The following GOLGA6C variants were observed in gnomAD, a reference collection of about 807,000 sequenced individuals.
GOLGA6C encodes the protein golgin subfamily A member 6C.
In GOLGA6C, 3 loss-of-function variants were observed where a neutral mutation model predicts 57.5. That is an observed-to-expected ratio of 0.05 (90% confidence interval 0.02 to 0.13). The LOEUF is 0.13. Among genes scored for constraint, GOLGA6C ranks in the 10% least tolerant of loss-of-function variants. The pLI, the probability that GOLGA6C is intolerant of heterozygous loss-of-function variation, is 1.00. For synonymous variants in GOLGA6C, 32 were observed against 203.8 expected (o/e 0.16, Z 7.18); for missense variants, 88 against 525.6 (o/e 0.17, Z 8.14).
rs1338432904 is a variant in GOLGA6C, at chr15:75,272,739, C to T, written c.*2540C>T. On this transcript the variant is annotated 3_prime_UTR_variant, in exon 18 of 18. Coordinates refer to ENST00000300576, the MANE Select transcript of GOLGA6C (RefSeq NM_001164404.2). ...CATATATTTAAGAAAAATTAAATAG[C>T]ATGTAAATCATATAACAATAACTTA... Among the ~76,000 whole-genome samples the T allele has an allele frequency of 6.6e-6, 1 of 151,016 alleles. No homozygotes were observed. Among genetic ancestry groups the T allele is most frequent in the East Asian group, 1.9e-4 (1 of 5,200 alleles).
chr15:75,265,017 C>T (rs2070751311), intron 7 of GOLGA6C, 105 bp from the exon 8 acceptor site: 8 of 1,345,220 alleles, frequency 5.9e-6, no homozygotes, highest in Non-Finnish European at 8.3e-6. Flanking sequence ...CTTGGAAATG[C>T]CTTGACCTTT....
At chr15:75,258,866 C>T (rs1190776950) in intron 1 of GOLGA6C, among the ~76,000 whole-genome samples, 184 bp downstream of exon 1, 2 of 151,386 alleles carry the variant, frequency 1.3e-5, no homozygotes, top group South Asian at 2.1e-4. Context: ...GCAAGCAGCC[C>T]AGCCTCTGCC....
At chr15:75,259,387 G>A (rs2070724943) in intron 1 of GOLGA6C, among the ~76,000 whole-genome samples, 1 of 117,132 alleles carries the variant, frequency 8.5e-6, no homozygotes, top group Non-Finnish European at 1.6e-5. Flanking sequence ...TTTCCAGCTA[G>A]AAGGGAAATG....
At position 75,273,291 on chromosome 15, in the gene GOLGA6C, G is replaced by A. The variant is rs1255703718; in HGVS notation, c.*3092G>A. Among the ~76,000 whole-genome samples, 4 of 151,694 alleles carry A rather than the reference G, an allele frequency of 2.6e-5. No homozygotes were observed. Among genetic ancestry groups the A allele is most frequent in the Non-Finnish European group, 4.4e-5 (3 of 67,960 alleles). ...GAAAGAAATGCCAATTCCAATGCAA[G>A]GCTTTATTTGCCAAGTTTTCTTAGA... On this transcript the variant is annotated 3_prime_UTR_variant, in exon 18 of 18. Coordinates refer to ENST00000300576, the MANE Select transcript of GOLGA6C (RefSeq NM_001164404.2).
intron 17 of GOLGA6C, 32 bp from the exon 18 acceptor site, chr15:75,270,038 CTG>C: frequency 6.2e-7 from 1 of 1,601,302 alleles, no homozygotes; most frequent in Non-Finnish European, 8.5e-7. Flanking sequence ...GAGGCTCGCA[CTG>C]TGCTCAGACC....
chr15:75,270,403 T>C lies in GOLGA6C; in HGVS notation c.*204T>C, dbSNP rs966176529. Among the ~76,000 whole-genome samples, 2 of 139,022 alleles carry C rather than the reference T, an allele frequency of 1.4e-5. No homozygotes were observed. Among genetic ancestry groups the C allele is most frequent in the Non-Finnish European group, 3.0e-5 (2 of 65,806 alleles). The allele number at this position is 139,022 out of a possible 152,430, so 91.2% of individuals were successfully genotyped here. Reference sequence around the variant, plus strand: ...ACTCACATTTATTTGTGTTTCTAATTTACCGTTTAAATTTATTTGTAAAAA... The same window carrying C: ...ACTCACATTTATTTGTGTTTCTAATCTACCGTTTAAATTTATTTGTAAAAA... On this transcript the variant is annotated 3_prime_UTR_variant, in exon 18 of 18. Coordinates refer to ENST00000300576, the MANE Select transcript of GOLGA6C (RefSeq NM_001164404.2).
intron 7 of GOLGA6C, 66 bp from the exon 8 acceptor site, chr15:75,265,056 C>A: frequency 6.3e-7 from 1 of 1,590,084 alleles, no homozygotes; most frequent in Non-Finnish European, 8.6e-7. Context: ...TGAGCCTAGC[C>A]CTAGCCCTTT....
rs1219075669 is a variant in GOLGA6C at position 75,258,678 on chromosome 15, A to C, written c.80A>C (p.Lys27Thr). 1 of 520,568 alleles carries C rather than the reference A, an allele frequency of 1.9e-6. No individual in the cohort carries two copies. The highest frequency in any genetic ancestry group is 3.5e-6 in the Non-Finnish European group (1 of 286,624). 32.2% of individuals were successfully genotyped at this position (520,568 alleles called of 1,614,324 possible). A position where few individuals can be genotyped will look rare whatever the true frequency, so the allele number is the denominator to read the frequency against. Reference sequence around the variant, plus strand: ...CAGAATAAATTGGCAGCAGCCAAGAAAAAGGTAAAAAGCCAAGAAAAAGGT... The same window carrying C: ...CAGAATAAATTGGCAGCAGCCAAGACAAAGGTAAAAAGCCAAGAAAAAGGT... ...SRQNKLAAAKKKLKEYQQRKS... is the reference protein window; with the variant it reads ...SRQNKLAAAKTKLKEYQQRKS... Residue 27 changes from lysine (K) to threonine (T), a missense_variant, in exon 1 of 18, where the codon AAA (lysine) becomes ACA (threonine). Coordinates refer to ENST00000300576, the MANE Select transcript of GOLGA6C (RefSeq NM_001164404.2).
In GOLGA6C at chr15:75,272,846, C is replaced by CTTCTA. The variant is rs1259459699; in HGVS notation, c.*2647_*2648insTTCTA. ...GTTCTCTTCCTCATTCAGTTTAAGG[C>CTTCTA]AGCTTTCAATTTGCTTAGAAGGCAA... is the stretch of plus-strand genomic sequence containing the variant. On this transcript the variant is annotated 3_prime_UTR_variant, in exon 18 of 18. Transcript: ENST00000300576. Among the ~76,000 whole-genome samples the CTTCTA allele has an allele frequency of 1.3e-5, 2 of 151,978 alleles. No individual in the cohort carries two copies. The highest frequency in any genetic ancestry group is 2.9e-5 in the Non-Finnish European group (2 of 68,052).
At chr15:75,269,587 A>AGCT (rs1348502045) in intron 15 of GOLGA6C, 32 bp downstream of exon 15, 1 of 1,391,340 alleles carries the variant, frequency 7.2e-7, no homozygotes, top group African/African-American at 1.6e-5. Context: ...GGGCACGGGG[A>AGCT]GCTGCAGGGC....
At chr15:75,264,965 C>T (rs1380806154) in intron 7 of GOLGA6C, among the ~76,000 whole-genome samples, 157 bp from the exon 8 acceptor site, 6 of 150,666 alleles carry the variant, frequency 4.0e-5, no homozygotes, top group South Asian at 2.1e-4. Flanking sequence ...TTTCCCTCTC[C>T]CTTCCAACTT....
At position 75,273,225 on chromosome 15, in the gene GOLGA6C, C is replaced by T. The variant is rs1170355467; in HGVS notation, c.*3026C>T. On this transcript the variant is annotated 3_prime_UTR_variant, in exon 18 of 18. Transcript: ENST00000300576. ...GTTAAAACACTTTAAAATATGAATA[C>T]TGTAGTTTGAAAGAAAGAAACTGGG... is the stretch of plus-strand genomic sequence containing the variant. Among the ~76,000 whole-genome samples the T allele has an allele frequency of 6.6e-6, 1 of 152,124 alleles. No homozygotes were observed.
intron 1 of GOLGA6C, among the ~76,000 whole-genome samples, chr15:75,259,190 C>A (rs1444531209): frequency 6.6e-6 from 1 of 151,806 alleles, no homozygotes; most frequent in Non-Finnish European, 1.5e-5. Context: ...CCCCCTCCCC[C>A]ATCGTGGATC....
At chr15:75,260,052 G>A (rs1330696325) in intron 1 of GOLGA6C, among the ~76,000 whole-genome samples, 203 of 92,662 alleles carry the variant, frequency 2.2e-3, no homozygotes, top group Middle Eastern at 8.0e-3. Context: ...ACCACACAGC[G>A]TGTAGTTCAT....
rs2141637146 is a variant in GOLGA6C, at chr15:75,272,638, A to G, written c.*2439A>G. On this transcript the variant is annotated 3_prime_UTR_variant, in exon 18 of 18. Transcript: ENST00000300576. ...TGTGGATTAAATCACACACCGGCATATTTAAGCTGAATGTCAGTCTGGAAA... is the reference window on the plus strand; with the variant it reads ...TGTGGATTAAATCACACACCGGCATGTTTAAGCTGAATGTCAGTCTGGAAA... Among the ~76,000 whole-genome samples the G allele has an allele frequency of 6.6e-6, 1 of 152,252 alleles. No homozygotes were observed.
At chr15:75,259,218 A>C (rs1409271443) in intron 1 of GOLGA6C, among the ~76,000 whole-genome samples, 5 of 149,750 alleles carry the variant, frequency 3.3e-5, no homozygotes, top group Non-Finnish European at 7.4e-5. Context: ...CAGCCATTGC[A>C]CTGATGAGGT....
Position 75,272,981 on chromosome 15 carries a change from T to A in GOLGA6C, c.*2782T>A, listed in dbSNP as rs1300795713. On this transcript the variant is annotated 3_prime_UTR_variant, in exon 18 of 18. Transcript: ENST00000300576. ...AAGAATTAAAAATCTATTTAAAGATTGCAATATATAATCATTTTTAAAGTA... is the reference window on the plus strand; with the variant it reads ...AAGAATTAAAAATCTATTTAAAGATAGCAATATATAATCATTTTTAAAGTA... Among the ~76,000 whole-genome samples the A allele has an allele frequency of 6.6e-6, 1 of 152,026 alleles. No homozygotes were observed. Among genetic ancestry groups the A allele is most frequent in the Non-Finnish European group, 1.5e-5 (1 of 68,052 alleles).
At chr15:75,265,915 G>A (rs1163818977) in intron 10 of GOLGA6C, among the ~76,000 whole-genome samples, 190 bp from the exon 11 acceptor site, 1 of 132,668 alleles carries the variant, frequency 7.5e-6, no homozygotes, top group African/African-American at 2.6e-5. Flanking sequence ...GCCACCCACA[G>A]TGCTCTCTAT....
intron 1 of GOLGA6C, among the ~76,000 whole-genome samples, 183 bp from the exon 2 acceptor site, chr15:75,260,190 C>CT (rs1400660298): frequency 3.5e-5 from 2 of 56,966 alleles, no homozygotes; most frequent in Non-Finnish European, 6.1e-5. Context: ...CCCCCCCACA[C>CT]TTTTTTTTTT....
Sources: allele counts gnomAD v4.1 joint callset (sites outside exome capture counted in the v4.1 genomes callset), GRCh38; gene constraint gnomAD v4.1.1; transcripts MANE v1.5; gene names NCBI Gene and HGNC (gene_info 2026-07-23, HGNC 2026-07-21).